The following RNF180 variants were observed in gnomAD, a reference collection of about 807,000 sequenced individuals.
RNF180 encodes the protein ring finger protein 180.
In RNF180, 38 loss-of-function variants were observed where a neutral mutation model predicts 59.2. The observed-to-expected ratio is 0.64, with a 90% confidence interval of 0.50 to 0.84. The LOEUF is 0.84. Among genes scored for constraint, RNF180 ranks in the 40% least tolerant of loss-of-function variants. RNF180 has a pLI of 0.00. For synonymous variants in RNF180, 262 were observed against 240.3 expected, an observed-to-expected ratio of 1.09 and a Z score of -0.84; for missense variants, 705 against 700.9, an observed-to-expected ratio of 1.01 and a Z score of -0.07.
At chr5:64,227,921 C>T (rs1461795004) in intron 5 of RNF180, among the ~76,000 whole-genome samples, 2 of 152,148 alleles carry the variant, frequency 1.3e-5, no homozygotes, top group African/African-American at 4.8e-5. Flanking sequence ...TCTGCCCTTA[C>T]CCATTTTTAA....
intron 7 of RNF180, among the ~76,000 whole-genome samples, chr5:64,335,983 CTA>C (rs1745110396): frequency 6.6e-6 from 1 of 152,092 alleles, no homozygotes; most frequent in South Asian, 2.1e-4. Context: ...CATCTTTTGG[CTA>C]GATTTATTCC....
chr5:64,269,456 C>T (rs1234096194), intron 5 of RNF180, among the ~76,000 whole-genome samples: 1 of 152,162 alleles, frequency 6.6e-6, no homozygotes, highest in African/African-American at 2.4e-5. Context: ...TGAGGTACTT[C>T]TTTGTTTCCA....
chr5:64,254,792 T>C (rs1400978442), intron 5 of RNF180, among the ~76,000 whole-genome samples: 2 of 152,204 alleles, frequency 1.3e-5, no homozygotes, highest in African/African-American at 4.8e-5. Context: ...CAGGAGACTT[T>C]CATTCCTGTT....
rs370660214 is a variant in RNF180 at position 64,174,959 on chromosome 5, C to CTT, written c.-1+9031_-1+9032dup. On this transcript the variant is annotated intron_variant, in intron 1 of 7. Coordinates refer to ENST00000389100, the MANE Select transcript of RNF180 (RefSeq NM_001113561.2). ...TTACATTTAAGTCTTTAATCCAGTT[C>CTT]TTTTTTTTTTTTTTTTTTTTTTTTT... Among the ~76,000 whole-genome samples, 795 of 84,736 alleles carry CTT rather than the reference C, an allele frequency of 9.4e-3. 127 individuals are homozygous for CTT. Among genetic ancestry groups the CTT allele is most frequent in the African/African-American group, 0.02 (400 of 20,280 alleles). 55.6% of individuals were successfully genotyped at this position (84,736 alleles called of 152,430 possible). A position where few individuals can be genotyped will look rare whatever the true frequency, so the allele number is the denominator to read the frequency against.
At chr5:64,190,400 C>T (rs551817333) in intron 1 of RNF180, among the ~76,000 whole-genome samples, 5 of 152,148 alleles carry the variant, frequency 3.3e-5, no homozygotes, top group South Asian at 2.1e-4. Context: ...AATTTTGCCT[C>T]GTGATTAGTT....
chr5:64,370,623 A>AT lies in RNF180; in HGVS notation c.*816dup, dbSNP rs543040667. On this transcript the variant is annotated 3_prime_UTR_variant, in exon 8 of 8. Transcript: ENST00000389100. ...AATGTGCAATAAAGAGTGGCTTTTA[A>AT]TTTTTTTAATGTCTGAATAAAGTAT... is the stretch of plus-strand genomic sequence containing the variant. 3.0e-3 allele frequency: 462 copies of AT among 151,772 alleles called. 3 individuals are homozygous for AT. Among genetic ancestry groups the AT allele is most frequent in the African/African-American group, 0.011 (441 of 41,520 alleles). 9.4% of individuals were successfully genotyped at this position (151,772 alleles called of 1,614,324 possible).
At position 64,271,171 on chromosome 5, in the gene RNF180, A is replaced by T. The variant is rs562639713; in HGVS notation, c.1227+53775A>T. Among the ~76,000 whole-genome samples the T allele has an allele frequency of 2.6e-5, 4 of 152,082 alleles. No individual in the cohort carries two copies. The South Asian group carries it at 6.2e-4, about 24-fold the overall frequency. On this transcript the variant is annotated intron_variant, in intron 5 of 7. Transcript: ENST00000389100. ...GAATGTAGAAAGTAAATAAAAAACTACAACTAAGTGTGAACCAGATTATTG... is the reference window on the plus strand; with the variant it reads ...GAATGTAGAAAGTAAATAAAAAACTTCAACTAAGTGTGAACCAGATTATTG...
intron 5 of RNF180, among the ~76,000 whole-genome samples, chr5:64,262,012 T>G (rs1744369539): frequency 6.6e-6 from 1 of 152,152 alleles, no homozygotes; most frequent in African/African-American, 2.4e-5. Flanking sequence ...ATGGCCAGTA[T>G]TATCCCTGTT....
chr5:64,254,012 TCAC>T (rs1743765864), intron 5 of RNF180, among the ~76,000 whole-genome samples: 1 of 152,138 alleles, frequency 6.6e-6, no homozygotes, highest in African/African-American at 2.4e-5. Flanking sequence ...TTCTCTAACT[TCAC>T]ATATATGTAA....
intron 5 of RNF180, among the ~76,000 whole-genome samples, chr5:64,243,983 A>G (rs1043454329): frequency 6.6e-6 from 1 of 152,172 alleles, no homozygotes; most frequent in African/African-American, 2.4e-5. Flanking sequence ...ACTCCAGCAG[A>G]CCTGCAGCAG....
intron 5 of RNF180, among the ~76,000 whole-genome samples, chr5:64,286,620 C>G (rs1171550278): frequency 2.6e-5 from 4 of 152,178 alleles, no homozygotes; most frequent in Non-Finnish European, 5.9e-5. Flanking sequence ...ATCCTTCAAT[C>G]AGTTCTAAGA....
At chr5:64,254,636 T>A (rs2112289877) in intron 5 of RNF180, among the ~76,000 whole-genome samples, 1 of 152,252 alleles carries the variant, frequency 6.6e-6, no homozygotes, top group East Asian at 1.9e-4. Flanking sequence ...ATAGGGACAG[T>A]CTCTTAAGAT....
chr5:64,194,601 A>C (rs1433325196), intron 1 of RNF180, among the ~76,000 whole-genome samples: 5 of 152,218 alleles, frequency 3.3e-5, no homozygotes, highest in African/African-American at 1.2e-4. Context: ...CAATGGTTGA[A>C]CTAGTTTACA....
At chr5:64,365,320 G>A (rs1214338072) in intron 7 of RNF180, among the ~76,000 whole-genome samples, 1 of 151,566 alleles carries the variant, frequency 6.6e-6, no homozygotes, top group African/African-American at 2.4e-5. Flanking sequence ...ATAGTTTTGG[G>A]ACCTCTTCTT....
chr5:64,296,762 G>A (rs1223373714), intron 5 of RNF180, among the ~76,000 whole-genome samples: 1 of 152,130 alleles, frequency 6.6e-6, no homozygotes, highest in East Asian at 1.9e-4. Context: ...CCCAGGCTTT[G>A]GAGGGAAATG....
chr5:64,302,869 T>G (rs1340571014), intron 5 of RNF180, among the ~76,000 whole-genome samples: 1 of 151,646 alleles, frequency 6.6e-6, no homozygotes, highest in Non-Finnish European at 1.5e-5. Flanking sequence ...ACAAAGGACA[T>G]CACAGTTATA....
At chr5:64,244,410 G>GAA (rs141226484) in intron 5 of RNF180, among the ~76,000 whole-genome samples, 13 of 151,348 alleles carry the variant, frequency 8.6e-5, no homozygotes, top group African/African-American at 1.7e-4. Flanking sequence ...TGATGGAGCT[G>GAA]AAAAAAAACA....
intron 7 of RNF180, among the ~76,000 whole-genome samples, chr5:64,346,504 G>T (rs1745567918): frequency 6.6e-6 from 1 of 151,356 alleles, no homozygotes. Flanking sequence ...CAAGTAGCTG[G>T]GATTACAGGT....
intron 1 of RNF180, among the ~76,000 whole-genome samples, chr5:64,196,138 A>AAC (rs1366842835): frequency 6.6e-6 from 1 of 152,112 alleles, no homozygotes; most frequent in Non-Finnish European, 1.5e-5. Flanking sequence ...ACAAGATGGA[A>AAC]ACACCTGTAA....
Sources: allele counts gnomAD v4.1 joint callset (sites outside exome capture counted in the v4.1 genomes callset), GRCh38; gene constraint gnomAD v4.1.1; transcripts MANE v1.5; gene names NCBI Gene and HGNC (gene_info 2026-07-23, HGNC 2026-07-21).